The following RIMS1 variants were observed in gnomAD, a reference collection of about 807,000 sequenced individuals.
RIMS1 encodes the protein regulating synaptic membrane exocytosis 1, also known as regulating synaptic membrane exocytosis protein 1.
A neutral mutation model predicts 214.1 loss-of-function variants in RIMS1; 83 were observed. The ratio of observed to expected loss-of-function variants is 0.39; its 90% CI spans 0.32 to 0.47. The LOEUF is 0.47. Ranked by LOEUF, RIMS1 falls within the 20% of genes least tolerant of loss-of-function variation. The pLI, the probability that RIMS1 is intolerant of heterozygous loss-of-function variation, is 0.99. For missense variants in RIMS1, 2,050 were observed against 2,161.8 expected, an observed-to-expected ratio of 0.95 and a Z score of 1.03; for synonymous variants, 793 against 786.8, an observed-to-expected ratio of 1.01 and a Z score of -0.13.
chr6:72,227,183 T>G (rs1197274848), intron 6 of RIMS1, among the ~76,000 whole-genome samples: 1 of 151,986 alleles, frequency 6.6e-6, no homozygotes, highest in African/African-American at 2.4e-5. Flanking sequence ...TAAAACATAA[T>G]GAAGTTTTGT....
At chr6:72,120,395 T>C (rs1008785437) in intron 4 of RIMS1, among the ~76,000 whole-genome samples, 11 of 151,954 alleles carry the variant, frequency 7.2e-5, no homozygotes, top group Admixed American at 2.6e-4. Flanking sequence ...TGCATTTCTC[T>C]GATGGCCAGT....
At chr6:72,364,601 A>G (rs532443913) in intron 29 of RIMS1, among the ~76,000 whole-genome samples, 1 of 152,304 alleles carries the variant, frequency 6.6e-6, no homozygotes. Flanking sequence ...CTCTTTGGCA[A>G]CTGTGTTGGT....
At chr6:71,920,222 C>T (rs142266959) in intron 1 of RIMS1, among the ~76,000 whole-genome samples, 1 of 152,208 alleles carries the variant, frequency 6.6e-6, no homozygotes. Context: ...AAATCAGTTG[C>T]ACTAAAATGC....
In RIMS1 at chr6:72,017,343, G is replaced by T. The variant is rs190503136; in HGVS notation, c.245+48280G>T. On this transcript the variant is annotated intron_variant, in intron 2 of 33. Coordinates refer to ENST00000521978, the MANE Select transcript of RIMS1 (RefSeq NM_014989.7). ...TGCTTTTTTTGTAAATAACACAAAT[G>T]CCATTATGGTAGTTTGATAAAAACT... Among the ~76,000 whole-genome samples the T allele has an allele frequency of 2.6e-5, 4 of 152,274 alleles. No homozygotes were observed. In the East Asian group the frequency reaches 7.7e-4, roughly 29 times the overall value.
At chr6:72,291,190 C>T (rs998760959) in intron 25 of RIMS1, among the ~76,000 whole-genome samples, 5 of 151,958 alleles carry the variant, frequency 3.3e-5, no homozygotes, top group African/African-American at 9.7e-5. Flanking sequence ...TAAATGTGTG[C>T]TTACTTTAAA....
chr6:72,270,951 G>T (rs958803158), intron 22 of RIMS1, among the ~76,000 whole-genome samples: 2 of 152,190 alleles, frequency 1.3e-5, no homozygotes, highest in East Asian at 3.9e-4. Flanking sequence ...ATATCAAATT[G>T]AAATATGTAT....
intron 29 of RIMS1, among the ~76,000 whole-genome samples, chr6:72,335,519 G>A (rs2096813086): frequency 6.6e-6 from 1 of 151,996 alleles, no homozygotes; most frequent in African/African-American, 2.4e-5. Context: ...TGTGAACGGT[G>A]TTGGAATAAA....
In RIMS1 at chr6:72,163,055, A is replaced by G. The variant is rs2153937289; in HGVS notation, c.472-16520A>G. ...AGATGTAGATTTGGTCTTTTCACAT[A>G]GTCCCATATTTCTTGGAGGCTTTGT... On this transcript the variant is annotated intron_variant, in intron 4 of 33. Transcript: ENST00000521978. Among the ~76,000 whole-genome samples, 2 of 134,740 alleles carry G rather than the reference A, an allele frequency of 1.5e-5. 1 individual carries two copies. The highest frequency in any genetic ancestry group is 3.4e-5 in the Non-Finnish European group (2 of 58,366). 88.4% of individuals were successfully genotyped at this position (134,740 alleles called of 152,430 possible).
At chr6:72,244,110 T>C (rs1327949204) in intron 10 of RIMS1, among the ~76,000 whole-genome samples, 1 of 151,704 alleles carries the variant, frequency 6.6e-6, no homozygotes, top group East Asian at 1.9e-4. Context: ...AGTGGCATAG[T>C]GATTTCAGGA....
At chr6:71,943,291 A>G (rs907617944) in intron 1 of RIMS1, among the ~76,000 whole-genome samples, 4 of 152,194 alleles carry the variant, frequency 2.6e-5, no homozygotes, top group African/African-American at 7.2e-5. Flanking sequence ...CTGGTGATCA[A>G]TCAGAACAAG....
intron 1 of RIMS1, among the ~76,000 whole-genome samples, chr6:71,905,266 T>C (rs954414253): frequency 6.6e-6 from 1 of 152,104 alleles, no homozygotes; most frequent in African/African-American, 2.4e-5. Flanking sequence ...ATTAGCAGTG[T>C]GTTTTTGTTA....
chr6:72,306,055 G>A (rs930126879), intron 26 of RIMS1, among the ~76,000 whole-genome samples: 2 of 151,836 alleles, frequency 1.3e-5, no homozygotes, highest in Non-Finnish European at 2.9e-5. Flanking sequence ...AGGATGATAG[G>A]CCACATTTAG....
At chr6:72,207,287 G>A (rs920002118) in intron 6 of RIMS1, among the ~76,000 whole-genome samples, 2 of 152,202 alleles carry the variant, frequency 1.3e-5, no homozygotes, top group African/African-American at 4.8e-5. Flanking sequence ...AAATAGAAAA[G>A]TAGAATGATG....
chr6:72,243,382 A>T (rs537023627), intron 10 of RIMS1, among the ~76,000 whole-genome samples: 2 of 151,818 alleles, frequency 1.3e-5, no homozygotes, highest in South Asian at 4.1e-4. Flanking sequence ...TAAAACTCTA[A>T]AATAAAGGCA....
intron 6 of RIMS1, among the ~76,000 whole-genome samples, chr6:72,226,169 A>C (rs1327581125): frequency 6.6e-6 from 1 of 152,068 alleles, no homozygotes; most frequent in Non-Finnish European, 1.5e-5. Context: ...TTGTTGTTCA[A>C]GTTTTCCGGA....
intron 1 of RIMS1, among the ~76,000 whole-genome samples, chr6:71,944,781 A>G (rs1326930447): frequency 6.6e-6 from 1 of 152,216 alleles, no homozygotes; most frequent in Non-Finnish European, 1.5e-5. Context: ...CTCAACTAAA[A>G]TATTACAATG....
chr6:72,226,578 A>G (rs933188691), intron 6 of RIMS1, among the ~76,000 whole-genome samples: 1 of 152,106 alleles, frequency 6.6e-6, no homozygotes, highest in Non-Finnish European at 1.5e-5. Context: ...ACCGGAAGTT[A>G]GGAAGCTTAC....
intron 6 of RIMS1, among the ~76,000 whole-genome samples, chr6:72,221,018 C>G (rs1002328575): frequency 6.6e-6 from 1 of 152,000 alleles, no homozygotes; most frequent in Middle Eastern, 3.2e-3. Context: ...ATCTGAAAGA[C>G]CCTTTGAGTA....
chr6:71,929,712 T>TAA (rs35103052), intron 1 of RIMS1, among the ~76,000 whole-genome samples: 8 of 151,816 alleles, frequency 5.3e-5, no homozygotes, highest in Admixed American at 5.3e-4. Context: ...CCCTAAATTA[T>TAA]AAAAAAACAT....
Sources: gnomAD v4.1 joint callset for allele counts (sites outside exome capture counted in the v4.1 genomes callset) on GRCh38, gnomAD v4.1.1 for gene constraint, MANE v1.5 for transcripts, NCBI Gene and HGNC (gene_info 2026-07-23, HGNC 2026-07-21) for gene names.